Variants in JAZF1 observed in about 807,000 individuals in gnomAD.
JAZF1 encodes the protein JAZF zinc finger 1.
Under a neutral mutation model 26.4 loss-of-function variants are expected in JAZF1, and 8 were observed. The observed-to-expected ratio is 0.30, with a 90% CI of 0.18 to 0.55. The LOEUF (loss-of-function observed/expected upper bound fraction) is 0.55. JAZF1 is among the 20% of genes least tolerant of loss of function. The pLI is 0.94. For missense variants in JAZF1, 199 were observed against 322.0 expected (o/e 0.62, Z 2.92); for synonymous variants, 126 against 122.3 (o/e 1.03, Z -0.20).
At chr7:27,922,509 A>G (rs529431363) in intron 2 of JAZF1, among the ~76,000 whole-genome samples, 3 of 152,284 alleles carry the variant, frequency 2.0e-5, no homozygotes, top group Non-Finnish European at 4.4e-5. Flanking sequence ...TCGGCCTCCC[A>G]AAGTGCTAGG....
chr7:28,053,016 C>T (rs1783640937), intron 1 of JAZF1, among the ~76,000 whole-genome samples: 1 of 152,104 alleles, frequency 6.6e-6, no homozygotes, highest in South Asian at 2.1e-4. Context: ...AACTGCTTTT[C>T]TACTTTGTTG....
intron 3 of JAZF1, among the ~76,000 whole-genome samples, chr7:27,890,785 T>C (rs1230684732): frequency 1.1e-4 from 3 of 28,046 alleles, no homozygotes; most frequent in East Asian, 7.3e-4. Context: ...ATGTTACTAC[T>C]TTTTTTTTTT....
intron 1 of JAZF1, among the ~76,000 whole-genome samples, chr7:28,095,406 G>A (rs1784367855): frequency 6.6e-6 from 1 of 152,144 alleles, no homozygotes; most frequent in Admixed American, 6.5e-5. Context: ...AGGGAGGAAG[G>A]AGAAGTGCCA....
intron 1 of JAZF1, chr7:28,020,487 A>G (rs909043153): frequency 2.8e-5 from 12 of 435,784 alleles, no homozygotes; most frequent in Non-Finnish European, 5.8e-5. Flanking sequence ...GCAGGAGTTG[A>G]AGCCTATGAC....
chr7:28,077,061 A>G (rs758201218), intron 1 of JAZF1, among the ~76,000 whole-genome samples: 8 of 152,194 alleles, frequency 5.3e-5, no homozygotes, highest in African/African-American at 1.7e-4. Flanking sequence ...GTTAAAATAA[A>G]TATTTGTATT....
chr7:28,068,699 T>C (rs1783924576), intron 1 of JAZF1, among the ~76,000 whole-genome samples: 1 of 151,888 alleles, frequency 6.6e-6, no homozygotes, highest in African/African-American at 2.4e-5. Flanking sequence ...GCCAAGGAAA[T>C]GTTATTTTTT....
intron 1 of JAZF1, among the ~76,000 whole-genome samples, chr7:28,032,678 C>A (rs867218572): frequency 4.6e-5 from 7 of 152,238 alleles, no homozygotes; most frequent in African/African-American, 7.2e-5. Context: ...CCTGAAGCAA[C>A]CTAACTGTGC....
At chr7:28,096,429 C>T (rs539942515) in intron 1 of JAZF1, among the ~76,000 whole-genome samples, 43 of 152,290 alleles carry the variant, frequency 2.8e-4, no homozygotes, top group African/African-American at 9.4e-4. Context: ...AACTGAAACC[C>T]TTACAGACAT....
At position 27,947,227 on chromosome 7, in the gene JAZF1, T is replaced by TAAGA. The variant is rs1158191873; in HGVS notation, c.188+44681_188+44682insTCTT. 2.6e-5 allele frequency among the ~76,000 whole-genome samples: 4 copies of TAAGA among 152,246 alleles called. No homozygotes were observed. In the East Asian group the frequency reaches 7.7e-4, roughly 29 times the overall value. On this transcript the variant is annotated intron_variant, in intron 2 of 4. Coordinates refer to ENST00000283928, the MANE Select transcript of JAZF1 (RefSeq NM_175061.4). ...AAGAGTCTACGTTTTTGTTCCTTTC[T>TAAGA]AGCAGATTATTTAATTACTCTGCCA...
chr7:28,160,038 G>A (rs2127951349), intron 1 of JAZF1, among the ~76,000 whole-genome samples: 1 of 152,172 alleles, frequency 6.6e-6, no homozygotes, highest in East Asian at 1.9e-4. Flanking sequence ...AGAATGATGG[G>A]GTGATACTGC....
At chr7:28,169,912 A>T (rs1290264321) in intron 1 of JAZF1, among the ~76,000 whole-genome samples, 1 of 152,192 alleles carries the variant, frequency 6.6e-6, no homozygotes, top group Non-Finnish European at 1.5e-5. Context: ...CGAGTGCTTC[A>T]ATTTTAAGCC....
At chr7:27,962,511 G>GA (rs1562541787) in intron 2 of JAZF1, among the ~76,000 whole-genome samples, 1 of 152,192 alleles carries the variant, frequency 6.6e-6, no homozygotes, top group East Asian at 1.9e-4. Context: ...TGCTAATCCT[G>GA]GAATCTCTGA....
At chr7:27,859,859 A>G (rs778300810) in intron 3 of JAZF1, among the ~76,000 whole-genome samples, 25 of 152,244 alleles carry the variant, frequency 1.6e-4, no homozygotes, top group South Asian at 4.1e-4. Flanking sequence ...ACAGAACTTA[A>G]AGTATAATAA....
chr7:28,094,427 T>G (rs1784349806), intron 1 of JAZF1, among the ~76,000 whole-genome samples: 1 of 152,136 alleles, frequency 6.6e-6, no homozygotes, highest in African/African-American at 2.4e-5. Context: ...GCACCGAGTC[T>G]CCAGGGCTGC....
intron 2 of JAZF1, among the ~76,000 whole-genome samples, chr7:27,939,723 T>C (rs17156055): frequency 0.021 from 3,252 of 152,292 alleles, 74 homozygotes; most frequent in East Asian, 0.12. Flanking sequence ...CCCTAATGTG[T>C]TGCTTTTCTT....
intron 1 of JAZF1, among the ~76,000 whole-genome samples, chr7:28,015,550 C>T (rs2128371416): frequency 6.6e-6 from 1 of 152,236 alleles, no homozygotes; most frequent in Admixed American, 6.5e-5. Context: ...CATGTTAAAG[C>T]AAGATGCTAA....
chr7:28,060,994 A>G (rs891294198), intron 1 of JAZF1, among the ~76,000 whole-genome samples: 3 of 152,212 alleles, frequency 2.0e-5, no homozygotes, highest in African/African-American at 7.2e-5. Context: ...TCAGAATGAG[A>G]GCTTTGAAAC....
chr7:27,872,279 A>G (rs1783596134), intron 3 of JAZF1, among the ~76,000 whole-genome samples: 1 of 152,220 alleles, frequency 6.6e-6, no homozygotes, highest in Non-Finnish European at 1.5e-5. Flanking sequence ...CCACTTGCAG[A>G]ACAACAACAA....
chr7:28,113,144 C>A (rs1022737913), intron 1 of JAZF1, among the ~76,000 whole-genome samples: 3 of 152,154 alleles, frequency 2.0e-5, no homozygotes, highest in African/African-American at 7.2e-5. Context: ...TTCTCAGAGT[C>A]CGGCCTGTTG....
Sources: gnomAD v4.1 joint callset for allele counts (sites outside exome capture counted in the v4.1 genomes callset) on GRCh38, gnomAD v4.1.1 for gene constraint, MANE v1.5 for transcripts, NCBI Gene and HGNC (gene_info 2026-07-23, HGNC 2026-07-21) for gene names.